Variants in RAB33A observed in about 807,000 individuals in gnomAD.
RAB33A encodes the protein ras-related protein Rab-33A.
In RAB33A, 6 loss-of-function variants were observed where a neutral mutation model predicts 12.0. The ratio of observed to expected loss-of-function variants is 0.50; its 90% CI spans 0.27 to 0.99. RAB33A has a LOEUF of 0.99. Among genes scored for constraint, RAB33A ranks in the 50% least tolerant of loss-of-function variants. The pLI is 0.11. For synonymous variants in RAB33A, 70 were observed against 82.4 expected (o/e 0.85, Z 0.81); for missense variants, 109 against 192.0 (o/e 0.57, Z 2.55).
chrX:130,113,141 C>T, the RAB33A span, among the ~76,000 whole-genome samples: 5 of 78,623 alleles, frequency 6.4e-5, no homozygotes, highest in Admixed American at 1.9e-4. Context: ...AGTGCAGTGG[C>T]GCGATCTCGG....
upstream of RAB33A, among the ~76,000 whole-genome samples, chrX:130,167,704 C>T (rs2031556009): frequency 2.7e-5 from 3 of 112,543 alleles, no homozygotes; most frequent in Admixed American, 1.9e-4. Flanking sequence ...GATTGTGCCA[C>T]TGCACTCCAG....
chrX:130,135,625 T>C, the RAB33A span, among the ~76,000 whole-genome samples: 1 of 110,531 alleles, frequency 9.0e-6, no homozygotes, highest in South Asian at 3.8e-4. Context: ...CAGCTAAAAA[T>C]AGTACTCAAG....
the RAB33A span, among the ~76,000 whole-genome samples, chrX:130,125,409 G>A: frequency 2.7e-5 from 3 of 111,312 alleles, no homozygotes; most frequent in African/African-American, 9.8e-5. Context: ...TTGTGTACGC[G>A]TGTCTGTGCC....
chrX:130,165,702 G>A, the RAB33A span: 3 of 1,075,518 alleles, frequency 2.8e-6, no homozygotes, highest in Non-Finnish European at 3.8e-6. Context: ...TTCCTCTCAC[G>A]CACGACCGAC....
chrX:130,171,166 C>T (rs769518807), upstream of RAB33A, among the ~76,000 whole-genome samples: 11 of 113,392 alleles, frequency 9.7e-5, no homozygotes, highest in African/African-American at 3.5e-4. Context: ...CACGCGTGCC[C>T]GCTGGCTCCC....
chrX:130,149,185 G>C, the RAB33A span, among the ~76,000 whole-genome samples: 1 of 111,499 alleles, frequency 9.0e-6, no homozygotes, highest in Non-Finnish European at 1.9e-5. Flanking sequence ...GCCTCACAAA[G>C]TGCTGGGATG....
the RAB33A span, among the ~76,000 whole-genome samples, chrX:130,166,399 C>T: frequency 2.7e-5 from 3 of 111,939 alleles, no homozygotes; most frequent in African/African-American, 9.7e-5. Context: ...CCAGGTGCTA[C>T]AGATACACAC....
chrX:130,160,402 C>T, the RAB33A span, among the ~76,000 whole-genome samples: 3 of 111,805 alleles, frequency 2.7e-5, no homozygotes, highest in African/African-American at 6.5e-5. Context: ...GCAGTCAGAC[C>T]ACACATACAA....
the RAB33A span, chrX:130,139,752 T>A: frequency 2.1e-5 from 25 of 1,179,282 alleles, no homozygotes; most frequent in African/African-American, 2.1e-4. Flanking sequence ...TTATACTACT[T>A]CTTCAAAAAC....
the RAB33A span, among the ~76,000 whole-genome samples, chrX:130,113,839 C>T: frequency 1.8e-5 from 2 of 112,237 alleles, no homozygotes; most frequent in Admixed American, 9.5e-5. Flanking sequence ...ACCATCTGCA[C>T]TTCCCTGCCC....
the RAB33A span, among the ~76,000 whole-genome samples, chrX:130,141,031 G>A: frequency 3.0e-4 from 34 of 112,270 alleles, no homozygotes; most frequent in African/African-American, 1.0e-3. Flanking sequence ...CAGGAGAATC[G>A]CTTGAACCTG....
the RAB33A span, among the ~76,000 whole-genome samples, chrX:130,131,304 A>G: frequency 8.9e-6 from 1 of 112,388 alleles, no homozygotes; most frequent in Non-Finnish European, 1.9e-5. Context: ...CTGAAGCAAA[A>G]TAATAAAAAT....
the RAB33A span, among the ~76,000 whole-genome samples, chrX:130,119,362 T>A: frequency 3.6e-5 from 4 of 111,909 alleles, no homozygotes; most frequent in Non-Finnish European, 5.6e-5. Flanking sequence ...ATTATCACAT[T>A]AACACAAATT....
chrX:130,121,250 TTC>T, the RAB33A span, among the ~76,000 whole-genome samples: 2 of 107,989 alleles, frequency 1.9e-5, no homozygotes, highest in Non-Finnish European at 3.8e-5. Context: ...TTCTTTTCTT[TTC>T]TTTTTTTTTT....
At chrX:130,167,849 CTT>C (rs759948930), upstream of RAB33A, among the ~76,000 whole-genome samples, 36 of 97,486 alleles carry the variant, frequency 3.7e-4, no homozygotes, top group Admixed American at 3.4e-4. Context: ...AATGAAGTTA[CTT>C]TTTTTTTTTT....
At chrX:130,178,809 G>A (rs372943090) in intron 1 of RAB33A, among the ~76,000 whole-genome samples, 29 of 108,359 alleles carry the variant, frequency 2.7e-4, no homozygotes, top group African/African-American at 9.3e-4. Context: ...CCACCACCAC[G>A]CCCAGCTAAT....
the RAB33A span, among the ~76,000 whole-genome samples, chrX:130,130,702 A>G: frequency 8.9e-6 from 1 of 112,666 alleles, no homozygotes; most frequent in Non-Finnish European, 1.9e-5. Flanking sequence ...ATCGCAGCAG[A>G]AAGTTCTATT....
chrX:130,121,491 T>A, the RAB33A span, among the ~76,000 whole-genome samples: 1 of 110,949 alleles, frequency 9.0e-6, no homozygotes, highest in African/African-American at 3.3e-5. Context: ...CCTCAGGTGA[T>A]CCGCCCGCCT....
upstream of RAB33A, chrX:130,171,799 C>G: frequency 5.2e-6 from 2 of 383,671 alleles, no homozygotes; most frequent in Admixed American, 9.8e-5. Context: ...CTCCCTCTCT[C>G]CTCCTCTCCC....
Sources: gnomAD v4.1 joint callset for allele counts (sites outside exome capture counted in the v4.1 genomes callset) on GRCh38, gnomAD v4.1.1 for gene constraint, MANE v1.5 for transcripts, NCBI Gene and HGNC (gene_info 2026-07-23, HGNC 2026-07-21) for gene names.